ADARB1: variants seen among roughly 807,000 people sequenced by gnomAD.
ADARB1 encodes the protein double-stranded RNA-specific editase 1.
In ADARB1, 10 loss-of-function variants were observed where a neutral mutation model predicts 52.4. That is an observed-to-expected ratio of 0.19 (90% confidence interval 0.12 to 0.32). The LOEUF is 0.32. ADARB1 is among the 10% of genes least tolerant of loss of function. ADARB1 has a pLI of 1.00. For missense variants in ADARB1, 643 were observed against 922.3 expected (o/e 0.70, Z 3.92); for synonymous variants, 349 against 371.1 (o/e 0.94, Z 0.68).
In ADARB1 at chr21:45,208,350, G is replaced by C. The variant is rs79126897; in HGVS notation, c.1747+3614G>C. On this transcript the variant is annotated intron_variant, in intron 9 of 10. Coordinates refer to ENST00000348831, the MANE Select transcript of ADARB1 (RefSeq NM_001112.4). This position sits in a 1 kb window ranked among gnomAD's most constrained non-coding sequence, Gnocchi z 5.6. Reference sequence around the variant, plus strand: ...TTCATGTTGAATGTTGGCACGAAACGTTAACAAACAAGGCTACATGATGGG... The same window carrying C: ...TTCATGTTGAATGTTGGCACGAAACCTTAACAAACAAGGCTACATGATGGG... Among the ~76,000 whole-genome samples the C allele has an allele frequency of 4.3e-3, 658 of 152,324 alleles. 6 individuals carry two copies. Among genetic ancestry groups the C allele is most frequent in the African/African-American group, 0.015 (622 of 41,558 alleles).
At chr21:45,184,394 G>C (rs2092029346) in intron 7 of ADARB1, 2 of 173,562 alleles carry the variant, frequency 1.2e-5, no homozygotes, top group African/African-American at 4.8e-5. Flanking sequence ...CTCCCTTGGA[G>C]ACCACTTTTG....
chr21:45,085,320 C>CGTGACCT (rs892945246), intron 1 of ADARB1, among the ~76,000 whole-genome samples: 8 of 152,208 alleles, frequency 5.3e-5, no homozygotes, highest in African/African-American at 1.9e-4. Context: ...GAGCTACAGA[C>CGTGACCT]GTGACCTCTG....
intron 8 of ADARB1, among the ~76,000 whole-genome samples, chr21:45,203,709 C>T (rs1055456000): frequency 5.9e-5 from 9 of 152,232 alleles, no homozygotes; most frequent in African/African-American, 2.2e-4. Context: ...CCCTACCTGC[C>T]TGTGCATTCA....
At position 45,204,431 on chromosome 21, in the gene ADARB1, C is replaced by T; in HGVS notation, c.1566-124C>T. 2.2e-6 allele frequency: 2 copies of T among 900,438 alleles called. No homozygotes were observed. Among genetic ancestry groups the T allele is most frequent in the South Asian group, 3.6e-5 (2 of 56,004 alleles). 55.8% of individuals were successfully genotyped at this position (900,438 alleles called of 1,614,324 possible). On this transcript the variant is annotated intron_variant, in intron 8 of 10. Transcript: ENST00000348831. This position sits in a 1 kb window ranked among gnomAD's most constrained non-coding sequence, Gnocchi z 4.4. ...AGTCTGTTAACTTTTTGTTGCACTC[C>T]TTCGTCAGTTGGTTGGGATCCTGCG...
In ADARB1 at chr21:45,175,662, C is replaced by T. The variant is rs956880780; in HGVS notation, c.29-68C>T. 101 of 1,480,028 alleles carry T rather than the reference C, an allele frequency of 6.8e-5. No homozygotes were observed. The African/African-American group carries it at 1.2e-3, about 18-fold the overall frequency. 91.7% of individuals were successfully genotyped at this position (1,480,028 alleles called of 1,614,324 possible). A position where few individuals can be genotyped will look rare whatever the true frequency, so the allele number is the denominator to read the frequency against. On this transcript the variant is annotated intron_variant, in intron 3 of 10. Transcript: ENST00000348831. ...CAGTTACAAAGAGAGCTAAAGGAAT[C>T]TATAAATTTTGCATTTACAAGATCC...
chr21:45,096,802 C>T (rs946029265), intron 1 of ADARB1, among the ~76,000 whole-genome samples: 7 of 152,314 alleles, frequency 4.6e-5, no homozygotes, highest in South Asian at 2.1e-4. Flanking sequence ...GTCGCCCAGG[C>T]GGTGCAGTGG....
At chr21:45,113,947 A>G (rs1233808704) in intron 1 of ADARB1, among the ~76,000 whole-genome samples, 1 of 152,228 alleles carries the variant, frequency 6.6e-6, no homozygotes, top group African/African-American at 2.4e-5. Flanking sequence ...TCAGTTAGTT[A>G]AAAATATGTT....
chr21:45,099,707 C>G (rs770554019), intron 1 of ADARB1, among the ~76,000 whole-genome samples: 5 of 152,102 alleles, frequency 3.3e-5, no homozygotes, highest in Non-Finnish European at 7.4e-5. Context: ...TAAATCCAAG[C>G]ATAATTACTG....
intron 1 of ADARB1, among the ~76,000 whole-genome samples, chr21:45,125,422 C>T (rs865934143): frequency 6.6e-6 from 1 of 152,256 alleles, no homozygotes; most frequent in African/African-American, 2.4e-5. Context: ...GCTGACTAGA[C>T]ATCCTTCTCT....
chr21:45,193,411 A>T lies in ADARB1; in HGVS notation c.1565+8320A>T, dbSNP rs539802698. On this transcript the variant is annotated intron_variant, in intron 8 of 10. Transcript: ENST00000348831. The stretch of plus-strand genomic sequence containing the variant: ...CTTCTCAACCTGATAAAGGAAATCT[A>T]TGAAAAATCTACAGGTAATGTCATT... Among the ~76,000 whole-genome samples, 65 of 152,370 alleles carry T rather than the reference A, an allele frequency of 4.3e-4. No individual in the cohort carries two copies. In the South Asian group the frequency reaches 8.1e-3, roughly 19 times the overall value.
Position 45,220,726 on chromosome 21 carries a change from C to A in ADARB1, c.1748-110C>A. On this transcript the variant is annotated intron_variant, in intron 9 of 10. Coordinates refer to ENST00000348831, the MANE Select transcript of ADARB1 (RefSeq NM_001112.4). The surrounding 1 kb of genome is among the most constrained non-coding windows in gnomAD (Gnocchi z 6.3). ...ATATTCCTCGGCAGGCAGAATTCCC[C>A]CACCACGCACTTCTGTGGCCATGTC... The A allele has an allele frequency of 1.7e-6, 2 of 1,186,562 alleles. No homozygotes were observed. The highest frequency in any genetic ancestry group is 2.4e-6 in the Non-Finnish European group (2 of 829,024). 73.5% of individuals were successfully genotyped at this position (1,186,562 alleles called of 1,614,324 possible). A position where few individuals can be genotyped will look rare whatever the true frequency, so the allele number is the denominator to read the frequency against.
At chr21:45,137,062 A>G (rs2089427763) in intron 2 of ADARB1, 1 of 152,258 alleles carries the variant, frequency 6.6e-6, no homozygotes, top group South Asian at 2.1e-4. Flanking sequence ...GTTCTTAGAA[A>G]TTGGTAATTT....
intron 2 of ADARB1, among the ~76,000 whole-genome samples, chr21:45,129,432 A>G (rs2088793748): frequency 6.6e-6 from 1 of 152,224 alleles, no homozygotes; most frequent in Non-Finnish European, 1.5e-5. Flanking sequence ...TCATGGGTTC[A>G]GATGAGATGA....
At chr21:45,113,860 A>C (rs967005089) in intron 1 of ADARB1, among the ~76,000 whole-genome samples, 8 of 152,206 alleles carry the variant, frequency 5.3e-5, no homozygotes, top group Non-Finnish European at 8.8e-5. Context: ...AGATATTTCA[A>C]ACTGGAAGTC....
chr21:45,184,910 T>C lies in ADARB1; in HGVS notation c.1397-13T>C. On this transcript the variant is annotated splice_polypyrimidine_tract_variant and intron_variant, in intron 7 of 10. Transcript: ENST00000348831. The stretch of plus-strand genomic sequence containing the variant: ...TTACTACCTGTGGGGTTTTAACTCT[T>C]TTTCTCTCTTAGAACCAGCAGATAG... 3 of 1,597,706 alleles carry C rather than the reference T, an allele frequency of 1.9e-6. No individual in the cohort carries two copies. The East Asian group carries it at 6.7e-5, about 36-fold the overall frequency.
Position 45,225,291 on chromosome 21 carries a change from C to A in ADARB1, c.*3094C>A. The A allele has an allele frequency of 8.5e-7, 1 of 1,180,776 alleles. No individual in the cohort carries two copies. Among genetic ancestry groups the A allele is most frequent in the Non-Finnish European group, 1.0e-6 (1 of 955,852 alleles). 73.1% of individuals were successfully genotyped at this position (1,180,776 alleles called of 1,614,324 possible). On this transcript the variant is annotated 3_prime_UTR_variant, in exon 11 of 11. Coordinates refer to ENST00000348831, the MANE Select transcript of ADARB1 (RefSeq NM_001112.4). ...CTCATCACCTGGTCGTACGCCAGGC[C>A]CACCTCTTCCCAGCAAGGGACGCCA...
At position 45,175,730 on chromosome 21, in the gene ADARB1, G is replaced by C; in HGVS notation, c.29G>C (p.Ser10Thr). The change falls in exon 4 of 11, where the codon AGT (serine) becomes ACT (threonine). Residue 10 changes from serine (S) to threonine (T), a missense_variant and splice_region_variant. Physicochemically the swap from Ser to Thr is moderately conservative, Grantham distance 58 (BLOSUM62 1). Coordinates refer to ENST00000348831, the MANE Select transcript of ADARB1 (RefSeq NM_001112.4). ...AAGTTACTCTTTCTGGGCACCACAGGTTCCAGCAGCACTGATGTGAAGGAA... is the reference window on the plus strand; with the variant it reads ...AAGTTACTCTTTCTGGGCACCACAGCTTCCAGCAGCACTGATGTGAAGGAA... MDIEDEENM[S>T]SSSTDVKENR... The C allele has an allele frequency of 6.2e-7, 1 of 1,613,840 alleles. No homozygotes were observed. Among genetic ancestry groups the C allele is most frequent in the Non-Finnish European group, 8.5e-7 (1 of 1,179,874 alleles).
intron 1 of ADARB1, among the ~76,000 whole-genome samples, chr21:45,122,631 G>C (rs1184376094): frequency 6.6e-6 from 1 of 152,220 alleles, no homozygotes; most frequent in Admixed American, 6.5e-5. Context: ...TCAGTGGGCG[G>C]AGGTGGGAGA....
At chr21:45,203,772 G>C (rs2092610952) in intron 8 of ADARB1, among the ~76,000 whole-genome samples, 1 of 152,200 alleles carries the variant, frequency 6.6e-6, no homozygotes, top group Admixed American at 6.5e-5. Flanking sequence ...TGTTTTGAAG[G>C]ACCTCTTGAA....
Sources: allele counts gnomAD v4.1 joint callset (sites outside exome capture counted in the v4.1 genomes callset), GRCh38; gene constraint gnomAD v4.1.1; non-coding constraint Gnocchi (gnomAD v3.1); transcripts MANE v1.5; gene names NCBI Gene and HGNC (gene_info 2026-07-23, HGNC 2026-07-21).